Variants in SLCO6A1 observed in about 807,000 individuals in gnomAD.
SLCO6A1 encodes solute carrier organic anion transporter family member 6A1.
A neutral mutation model predicts 72.7 loss-of-function variants in SLCO6A1; 65 were observed. That is an observed-to-expected ratio of 0.89 (90% confidence interval 0.73 to 1.10). The LOEUF is 1.10. Ranked by LOEUF, SLCO6A1 falls within the 50% of genes least tolerant of loss-of-function variation. SLCO6A1 has a pLI of 0.00. For synonymous variants in SLCO6A1, 314 were observed against 298.2 expected (o/e 1.05, Z -0.55); for missense variants, 874 against 872.6 (o/e 1.00, Z -0.02).
chr5:102,492,164 TG>T (rs1399393357), intron 1 of SLCO6A1, among the ~76,000 whole-genome samples: 1 of 152,060 alleles, frequency 6.6e-6, no homozygotes, highest in Non-Finnish European at 1.5e-5. Flanking sequence ...CCTCCAACAT[TG>T]GGGATGACAA....
chr5:102,491,978 T>G (rs1752704037), intron 1 of SLCO6A1, among the ~76,000 whole-genome samples: 1 of 152,188 alleles, frequency 6.6e-6, no homozygotes, highest in Admixed American at 6.5e-5. Context: ...AAGCTTACAA[T>G]CATTGTGGAA....
chr5:102,473,901 A>T (rs1183710212), intron 4 of SLCO6A1, among the ~76,000 whole-genome samples: 1 of 151,962 alleles, frequency 6.6e-6, no homozygotes, highest in Non-Finnish European at 1.5e-5. Context: ...ACATTATTGA[A>T]AAAAATTAAA....
intron 7 of SLCO6A1, among the ~76,000 whole-genome samples, chr5:102,427,549 C>T (rs142565209): frequency 2.4e-4 from 37 of 151,988 alleles, no homozygotes; most frequent in African/African-American, 8.7e-4. Context: ...CTCCTAAAAA[C>T]TGTAAGGTCA....
intron 6 of SLCO6A1, among the ~76,000 whole-genome samples, chr5:102,450,968 T>C (rs551974506): frequency 6.6e-6 from 1 of 152,150 alleles, no homozygotes; most frequent in South Asian, 2.1e-4. Flanking sequence ...GGCTGTGAGT[T>C]GTCTCTGGAA....
chr5:102,374,232 G>T (rs6877722), intron 12 of SLCO6A1, among the ~76,000 whole-genome samples: 97,107 of 151,944 alleles, frequency 0.64, 31,235 homozygotes, highest in African/African-American at 0.66. Flanking sequence ...TCTCAAACTT[G>T]TGAGCTCAGG....
At chr5:102,399,074 C>T (rs567915306) in intron 10 of SLCO6A1, among the ~76,000 whole-genome samples, 5 of 151,454 alleles carry the variant, frequency 3.3e-5, no homozygotes, top group South Asian at 2.1e-4. Context: ...TTAGGAAGAA[C>T]GCATAAATAA....
chr5:102,402,665 T>A (rs1409452016), intron 9 of SLCO6A1, among the ~76,000 whole-genome samples: 2 of 152,136 alleles, frequency 1.3e-5, no homozygotes, highest in African/African-American at 4.8e-5. Context: ...CCAAACTGTT[T>A]TTATAGCAAC....
At chr5:102,389,851 T>TGTAA (rs10652910) in intron 11 of SLCO6A1, among the ~76,000 whole-genome samples, 97,756 of 151,312 alleles carry the variant, frequency 0.65, 31,772 homozygotes, top group African/African-American at 0.66. Flanking sequence ...ATTTATCTCC[T>TGTAA]GTATTTTTTC....
chr5:102,443,699 T>C (rs1033868415), intron 6 of SLCO6A1, among the ~76,000 whole-genome samples: 6 of 152,196 alleles, frequency 3.9e-5, no homozygotes, highest in Admixed American at 1.3e-4. Flanking sequence ...GAATAGCAAA[T>C]ATTAAGAATG....
intron 4 of SLCO6A1, among the ~76,000 whole-genome samples, chr5:102,469,745 A>G (rs894680919): frequency 6.6e-6 from 1 of 152,156 alleles, no homozygotes; most frequent in Admixed American, 6.5e-5. Context: ...CCGGTTTTCA[A>G]AGGGAATGCT....
At chr5:102,384,390 ACT>A (rs1746290541) in intron 12 of SLCO6A1, among the ~76,000 whole-genome samples, 1 of 150,336 alleles carries the variant, frequency 6.7e-6, no homozygotes, top group African/African-American at 2.4e-5. Flanking sequence ...CTGTTTTCTG[ACT>A]CTGTTGTTTT....
At chr5:102,418,746 G>A (rs1181412805) in intron 8 of SLCO6A1, among the ~76,000 whole-genome samples, 1 of 152,018 alleles carries the variant, frequency 6.6e-6, no homozygotes, top group Non-Finnish European at 1.5e-5. Flanking sequence ...TGAGAACCAG[G>A]ATTTACCAGG....
At chr5:102,392,479 G>A (rs1013121279) in intron 10 of SLCO6A1, among the ~76,000 whole-genome samples, 1 of 151,920 alleles carries the variant, frequency 6.6e-6, no homozygotes, top group African/African-American at 2.4e-5. Flanking sequence ...GCTATGTGAA[G>A]CACATATATA....
rs138511642 is a variant in SLCO6A1, at chr5:102,375,766, T to A, written c.2018-2272A>T. On this transcript the variant is annotated intron_variant, in intron 12 of 13. Transcript: ENST00000506729. The stretch of plus-strand genomic sequence containing the variant: ...TAACTAGAAATTAAAAAAGCAAAGA[T>A]AACAGAGCGTCCAAGATACATGAAA... Among the ~76,000 whole-genome samples, 5 of 151,992 alleles carry A rather than the reference T, an allele frequency of 3.3e-5. No individual in the cohort carries two copies. In the East Asian group the frequency reaches 9.7e-4, roughly 29 times the overall value.
chr5:102,381,370 T>C (rs1746096379), intron 12 of SLCO6A1, among the ~76,000 whole-genome samples: 1 of 151,792 alleles, frequency 6.6e-6, no homozygotes, highest in African/African-American at 2.4e-5. Flanking sequence ...TGATGTCCTG[T>C]AGTTTCACCC....
Position 102,392,963 on chromosome 5 carries a change from C to T in SLCO6A1, c.1815-1918G>A, listed in dbSNP as rs193167178. ...TAAAAAAACATGGAACATTTGTTTA[C>T]GCACTTCTCAAGCCCAAATCTTGGA... On this transcript the variant is annotated intron_variant, in intron 10 of 13. Transcript: ENST00000506729. 1.4e-4 allele frequency among the ~76,000 whole-genome samples: 21 copies of T among 152,200 alleles called. No individual in the cohort carries two copies. The East Asian group carries it at 3.1e-3, about 22-fold the overall frequency.
At position 102,419,884 on chromosome 5, in the gene SLCO6A1, TA is replaced by T. The variant is rs776668947; in HGVS notation, c.1413del (p.Phe471LeufsTer84). 6.2e-7 allele frequency: 1 copy of T among 1,606,868 alleles called. No homozygotes were observed. Among genetic ancestry groups the T allele is most frequent in the African/African-American group, 1.3e-5 (1 of 74,598 alleles). ...TSVISLILLVFIIFVRCNPVQ... is the reference protein window; with the variant it reads ...TSVISLILLVXIIFVRCNPVQ... ...ACTGGATTACAGCGTACAAAAATAATAAACACAAGCAGTATAAGTGATATCA... is the reference window on the plus strand; with the variant it reads ...ACTGGATTACAGCGTACAAAAATAATAACACAAGCAGTATAAGTGATATCA... On this transcript the variant is annotated frameshift_variant, in exon 8 of 14. Transcript: ENST00000506729. LOFTEE classifies it high-confidence loss of function.
At chr5:102,401,372 A>G (rs768883971) in intron 9 of SLCO6A1, among the ~76,000 whole-genome samples, 1 of 152,124 alleles carries the variant, frequency 6.6e-6, no homozygotes, top group African/African-American at 2.4e-5. Flanking sequence ...CAATGTAAAG[A>G]ACTTTGGTTT....
At chr5:102,384,683 T>G (rs1302962944) in intron 12 of SLCO6A1, among the ~76,000 whole-genome samples, 1 of 152,164 alleles carries the variant, frequency 6.6e-6, no homozygotes, top group African/African-American at 2.4e-5. Context: ...GTAGCTATAG[T>G]TATTTTTTCA....
Sources: allele counts gnomAD v4.1 joint callset (sites outside exome capture counted in the v4.1 genomes callset), GRCh38; gene constraint gnomAD v4.1.1; transcripts MANE v1.5; gene names NCBI Gene and HGNC (gene_info 2026-07-23, HGNC 2026-07-21).